Variants in NBEAL2 observed in about 807,000 individuals in gnomAD.
The protein encoded by NBEAL2 is neurobeachin like 2.
NBEAL2 carries 160 observed loss-of-function variants against 299.8 expected under a neutral mutation model. That is an observed-to-expected ratio of 0.53 (90% CI 0.47 to 0.61). The LOEUF (loss-of-function observed/expected upper bound fraction) is 0.61. Among genes scored for constraint, NBEAL2 ranks in the 20% least tolerant of loss-of-function variants. The pLI, the probability that NBEAL2 is intolerant of heterozygous loss-of-function variation, is 0.00. For synonymous variants in NBEAL2, 1,493 were observed against 1,542.3 expected, an observed-to-expected ratio of 0.97 and a Z score of 0.75; for missense variants, 3,112 against 3,649.0, an observed-to-expected ratio of 0.85 and a Z score of 3.79.
chr3:47,008,813 G>A (rs2037658174), intron 52 of NBEAL2, 145 bp downstream of exon 52: 6 of 1,446,146 alleles, frequency 4.1e-6, no homozygotes, highest in Non-Finnish European at 4.7e-6. Context: ...CCCATGGGGA[G>A]GTCTTGCCCT....
At chr3:46,983,893 A>T (rs543639720) in intron 1 of NBEAL2, among the ~76,000 whole-genome samples, 51 of 152,032 alleles carry the variant, frequency 3.4e-4, no homozygotes, top group Non-Finnish European at 6.2e-4. Context: ...GGAAATTCCC[A>T]TTTTCCTTAG....
intron 48 of NBEAL2, 24 bp downstream of exon 48, chr3:47,007,721 G>A: frequency 6.2e-7 from 1 of 1,609,198 alleles, no homozygotes; most frequent in Non-Finnish European, 8.5e-7. Flanking sequence ...TGGAGCTGGG[G>A]AGAATGAGGC....
chr3:47,000,199 C>T lies in NBEAL2; in HGVS notation c.4100C>T (p.Ser1367Leu). The T allele has an allele frequency of 6.2e-7, 1 of 1,613,798 alleles. No individual in the cohort carries two copies. Among genetic ancestry groups the T allele is most frequent in the Non-Finnish European group, 8.5e-7 (1 of 1,179,886 alleles). Residue 1367 changes from serine to leucine, a missense_variant, in exon 27 of 54, where the codon TCA becomes TTA. Ser to Leu is a moderately radical substitution (Grantham distance 145). Coordinates refer to ENST00000450053, the MANE Select transcript of NBEAL2 (RefSeq NM_015175.3). This position sits in a 1 kb window ranked among gnomAD's most constrained non-coding sequence, Gnocchi z 4.5. ...GGCCTGGAACGGTCTAGTGTAGGAT[C>T]AGGCAACACTGCTGGTGGTGGCGGC... Reference protein sequence around the residue: ...DLGLERSSVGSGNTAGGGGSS... With the variant: ...DLGLERSSVGLGNTAGGGGSS...
At position 46,998,874 on chromosome 3, in the gene NBEAL2, G is replaced by T; in HGVS notation, c.3379G>T (p.Gly1127Cys). 6.3e-7 allele frequency: 1 copy of T among 1,592,360 alleles called. No individual in the cohort carries two copies. Among genetic ancestry groups the T allele is most frequent in the Non-Finnish European group, 8.5e-7 (1 of 1,169,800 alleles). Residue 1127 changes from glycine to cysteine, a missense_variant, in exon 23 of 54, where the codon GGT (glycine) becomes TGT (cysteine). Gly to Cys is a radical substitution (Grantham distance 159). Transcript: ENST00000450053. ...CTTTTTGGCGGCCACAGGCGATGAC[G>T]GTCAGGTAGGCTGGAGGTTGGGGAG... The part of the protein sequence containing the change: ...LSFLAATGDD[G>C]QAVGALDLLL...
In NBEAL2 at chr3:47,002,259, C is replaced by T. The variant is rs745644455; in HGVS notation, c.5122C>T (p.Pro1708Ser). 2.6e-6 allele frequency: 4 copies of T among 1,559,066 alleles called. No individual in the cohort carries two copies. In the South Asian group the frequency reaches 4.8e-5, roughly 19 times the overall value. The change falls in exon 31 of 54, where the codon CCC becomes TCC. Residue 1708 changes from proline to serine, a missense_variant. Physicochemically the swap from Pro to Ser is moderately conservative, Grantham distance 74 (BLOSUM62 -1). Coordinates refer to ENST00000450053, the MANE Select transcript of NBEAL2 (RefSeq NM_015175.3). ...AGACTTCCAGGCTTTTTGTGCCACA[C>T]CCGAATGGCGCCACTTCATCGACAA... Reference protein sequence around the residue: ...FEDFQAFCATPEWRHFIDKQV... With the variant: ...FEDFQAFCATSEWRHFIDKQV...
chr3:47,001,142 G>A lies in NBEAL2; in HGVS notation c.4447G>A (p.Ala1483Thr). The change falls in exon 28 of 54, where the codon GCC (alanine) becomes ACC (threonine). Residue 1483 changes from alanine (A) to threonine (T), a missense_variant. By Grantham distance (58) the Ala-to-Thr change is moderately conservative. This residue lies in a region of NBEAL2 where 2,243 missense variants were observed against 2,538.1 expected (regional missense o/e 0.88). Transcript: ENST00000450053. The surrounding 1 kb of genome is among the most constrained non-coding windows in gnomAD (Gnocchi z 6.1). Reference sequence around the variant, plus strand: ...AGTGCTCACCCAGCTGGGGGCCTCAGCCACACTTGTGCGCCCACCAGACTG... The same window carrying A: ...AGTGCTCACCCAGCTGGGGGCCTCAACCACACTTGTGCGCCCACCAGACTG... ...FSVLTQLGASATLVRPPDCIK... is the reference protein window; with the variant it reads ...FSVLTQLGASTTLVRPPDCIK... 6.2e-7 allele frequency: 1 copy of A among 1,612,742 alleles called. No individual in the cohort carries two copies. Among genetic ancestry groups the A allele is most frequent in the Non-Finnish European group, 8.5e-7 (1 of 1,179,590 alleles).
rs547551572 is a variant in NBEAL2, at chr3:46,997,246, C to G, written c.2650-13C>G. 6.2e-7 allele frequency: 1 copy of G among 1,612,076 alleles called. No homozygotes were observed. Among genetic ancestry groups the G allele is most frequent in the East Asian group, 2.2e-5 (1 of 44,874 alleles). ...CTGGAAGGTCCCCCTCACTGCCATCCTCCTTCCCCCAGGATGTGGTGAACT... is the reference window on the plus strand; with the variant it reads ...CTGGAAGGTCCCCCTCACTGCCATCGTCCTTCCCCCAGGATGTGGTGAACT... On this transcript the variant is annotated splice_polypyrimidine_tract_variant and intron_variant, in intron 18 of 53. Transcript: ENST00000450053.
chr3:46,995,548 T>C lies in NBEAL2; in HGVS notation c.1813T>C (p.Phe605Leu), dbSNP rs756993034. 5 of 1,612,820 alleles carry C rather than the reference T, an allele frequency of 3.1e-6. No individual in the cohort carries two copies. In the South Asian group the frequency reaches 5.5e-5, roughly 18 times the overall value. The change falls in exon 13 of 54, where the codon TTT (phenylalanine) becomes CTT (leucine). Residue 605 changes from phenylalanine to leucine, a missense_variant. Phe to Leu is a conservative substitution (Grantham distance 22). Transcript: ENST00000450053. ...VQRWPGPGFT[F>L]HAWLCLHPMD... ...GCGATGGCCAGGGCCTGGCTTCACC[T>C]TTCATGCCTGGCTCTGTCTGCACCC... is the stretch of plus-strand genomic sequence containing the variant.
chr3:46,994,650 G>A, intron 12 of NBEAL2, 97 bp downstream of exon 12: 8 of 1,052,182 alleles, frequency 7.6e-6, no homozygotes, highest in South Asian at 1.5e-5. Context: ...GGACCGTATT[G>A]ACTGCGGCCA....
chr3:47,001,184 G>A lies in NBEAL2; in HGVS notation c.4484+5G>A, dbSNP rs778826579. The A allele has an allele frequency of 5.0e-6, 8 of 1,608,150 alleles. No homozygotes were observed. The African/African-American group carries it at 6.7e-5, about 13-fold the overall frequency. Reference sequence around the variant, plus strand: ...ACCAGACTGCATCAAGCGCAGGTGAGAGGGAAAGTCTGGAGGGGGAGGGGC... The same window carrying A: ...ACCAGACTGCATCAAGCGCAGGTGAAAGGGAAAGTCTGGAGGGGGAGGGGC... On this transcript the variant is annotated splice_donor_5th_base_variant and intron_variant, in intron 28 of 53. Transcript: ENST00000450053. This position sits in a 1 kb window ranked among gnomAD's most constrained non-coding sequence, Gnocchi z 6.1.
rs371331355 is a variant in NBEAL2, at chr3:46,991,210, C to A, written c.557-9C>A. On this transcript the variant is annotated splice_polypyrimidine_tract_variant and intron_variant, in intron 6 of 53. Coordinates refer to ENST00000450053, the MANE Select transcript of NBEAL2 (RefSeq NM_015175.3). The surrounding 1 kb of genome is among the most constrained non-coding windows in gnomAD (Gnocchi z 6.2). ...GGTGACATTACCCTGCCCACACCCC[C>A]CTACCCAGAGAGCCTACAGAATGCA... 4 of 1,600,164 alleles carry A rather than the reference C, an allele frequency of 2.5e-6. No homozygotes were observed. The highest frequency in any genetic ancestry group is 3.4e-6 in the Non-Finnish European group (4 of 1,172,704).
In NBEAL2 at chr3:46,989,260, C is replaced by T. The variant is rs1281381058; in HGVS notation, c.352C>T (p.Leu118=). 1 of 1,612,030 alleles carries T rather than the reference C, an allele frequency of 6.2e-7. No homozygotes were observed. Among genetic ancestry groups the T allele is most frequent in the Non-Finnish European group, 8.5e-7 (1 of 1,179,094 alleles). The change falls in exon 5 of 54, where the codon CTG becomes TTG. Residue 118 remains leucine, a splice_region_variant and synonymous_variant. Coordinates refer to ENST00000450053, the MANE Select transcript of NBEAL2 (RefSeq NM_015175.3). The surrounding 1 kb of genome is among the most constrained non-coding windows in gnomAD (Gnocchi z 5.5). ...LALLTKLVAE[L]KGCPPPQGRG... Reference sequence around the variant, plus strand: ...TAACCCTCTCTCCCCACACCTACAGCTGAAAGGATGCCCACCACCCCAGGG... The same window carrying T: ...TAACCCTCTCTCCCCACACCTACAGTTGAAAGGATGCCCACCACCCCAGGG...
In NBEAL2 at chr3:47,008,086, G is replaced by A. The variant is rs755390122; in HGVS notation, c.7619G>A (p.Gly2540Asp). ...RLLHQGGLSV[G>D]LAPKPVQVLY... ...CCTCCACAGGGTGGTCTGTCAGTAG[G>A]CCTGGCACCAAAGCCTGTGCAGGTC... Residue 2540 changes from glycine (G) to aspartate (D), a missense_variant, in exon 50 of 54, where the codon GGC becomes GAC. Physicochemically the swap from Gly to Asp is moderately conservative, Grantham distance 94. Coordinates refer to ENST00000450053, the MANE Select transcript of NBEAL2 (RefSeq NM_015175.3). 1.2e-6 allele frequency: 2 copies of A among 1,613,994 alleles called. No individual in the cohort carries two copies. Among genetic ancestry groups the A allele is most frequent in the Admixed American group, 1.7e-5 (1 of 60,032 alleles).
At chr3:47,005,880 GC>G in intron 42 of NBEAL2, 33 bp downstream of exon 42, 1 of 1,612,608 alleles carries the variant, frequency 6.2e-7, no homozygotes, top group South Asian at 1.1e-5. Flanking sequence ...ACGGCAGGCA[GC>G]CGGGGTTCTG....
intron 21 of NBEAL2, 74 bp from the exon 22 acceptor site, chr3:46,998,389 A>T: frequency 6.5e-7 from 1 of 1,529,026 alleles, no homozygotes; most frequent in Non-Finnish European, 8.9e-7. Flanking sequence ...TGACAGGCAC[A>T]TGGCCCTGGC....
rs1401165257 is a variant in NBEAL2, at chr3:47,000,072, C to G, written c.3973C>G (p.Pro1325Ala). Residue 1325 changes from proline to alanine, a missense_variant, in exon 27 of 54, where the codon CCT becomes GCT. Physicochemically the swap from Pro to Ala is conservative, Grantham distance 27. Coordinates refer to ENST00000450053, the MANE Select transcript of NBEAL2 (RefSeq NM_015175.3). The surrounding 1 kb of genome is among the most constrained non-coding windows in gnomAD (Gnocchi z 4.5). The stretch of plus-strand genomic sequence containing the variant: ...CCCACCCAAGCCACCCACTGAGTCA[C>G]CTGCTGAGCCTTCAGATGTCTTCCT... Reference protein sequence around the residue: ...PAPPKPPTESPAEPSDVFLPS... With the variant: ...PAPPKPPTESAAEPSDVFLPS... The G allele has an allele frequency of 6.2e-7, 1 of 1,613,628 alleles. No individual in the cohort carries two copies. The highest frequency in any genetic ancestry group is 2.2e-5 in the East Asian group (1 of 44,876).
chr3:47,000,380 T>C lies in NBEAL2; in HGVS notation c.4281T>C (p.Asp1427=), dbSNP rs764273931. 1 of 1,580,068 alleles carries C rather than the reference T, an allele frequency of 6.3e-7. No individual in the cohort carries two copies. The highest frequency in any genetic ancestry group is 8.6e-7 in the Non-Finnish European group (1 of 1,160,166). ...CGGAGCCCACCATTAGCGGGGATGA[T>C]ACCTCGAACACCAGCAACCCACAGG... is the stretch of plus-strand genomic sequence containing the variant. ...SLPEPTISGD[D]TSNTSNPQQT... The change falls in exon 27 of 54, where the codon GAT becomes GAC. Residue 1427 remains aspartate, a synonymous_variant. Coordinates refer to ENST00000450053, the MANE Select transcript of NBEAL2 (RefSeq NM_015175.3). The surrounding 1 kb of genome is among the most constrained non-coding windows in gnomAD (Gnocchi z 4.5).
At position 46,996,731 on chromosome 3, in the gene NBEAL2, GC is replaced by G. The variant is rs771297847; in HGVS notation, c.2474-15del. 16 of 1,608,132 alleles carry G rather than the reference GC, an allele frequency of 9.9e-6. No individual in the cohort carries two copies. In the South Asian group the frequency reaches 1.5e-4, roughly 16 times the overall value. The stretch of plus-strand genomic sequence containing the variant: ...GGCCAGAGGCCTAGCAAGGTCTGAA[GC>G]CCCCTGCCCACCTCCCAGGGCCCAA... On this transcript the variant is annotated intron_variant, in intron 16 of 53. Coordinates refer to ENST00000450053, the MANE Select transcript of NBEAL2 (RefSeq NM_015175.3).
intron 10 of NBEAL2, 51 bp from the exon 11 acceptor site, chr3:46,993,886 G>A (rs1265944460): frequency 1.3e-6 from 2 of 1,528,678 alleles, no homozygotes; most frequent in Non-Finnish European, 8.9e-7. Context: ...GGGGCTGCCA[G>A]CTGTGACACC....
Sources: allele counts gnomAD v4.1 joint callset (sites outside exome capture counted in the v4.1 genomes callset), GRCh38; gene constraint gnomAD v4.1.1; regional missense constraint gnomAD v4.1.1; non-coding constraint Gnocchi (gnomAD v3.1); transcripts MANE v1.5; gene names NCBI Gene and HGNC (gene_info 2026-07-23, HGNC 2026-07-21).